Variants in MAPT observed in about 807,000 individuals in gnomAD.
The protein encoded by MAPT is microtubule associated protein tau.
In MAPT, 34 loss-of-function variants were observed where a neutral mutation model predicts 67.9. That is an observed-to-expected ratio of 0.50 (90% CI 0.38 to 0.67). MAPT has a LOEUF of 0.67. Ranked by LOEUF, MAPT falls within the 30% of genes least tolerant of loss-of-function variation. The pLI is 0.00. For synonymous variants in MAPT, 456 were observed against 464.5 expected, an observed-to-expected ratio of 0.98 and a Z score of 0.23; for missense variants, 881 against 1,115.2, an observed-to-expected ratio of 0.79 and a Z score of 2.99.
intron 1 of MAPT, among the ~76,000 whole-genome samples, chr17:45,925,223 A>G (rs2066165701): frequency 6.6e-6 from 1 of 152,160 alleles, no homozygotes; most frequent in South Asian, 2.1e-4. Flanking sequence ...GGCCAGGTAG[A>G]ATGGGCGGCC....
chr17:45,999,208 C>T lies in MAPT; in HGVS notation c.1998+2544C>T. 7 of 1,537,550 alleles carry T rather than the reference C, an allele frequency of 4.6e-6. No homozygotes were observed. In the South Asian group the frequency reaches 7.7e-5, roughly 17 times the overall value. Reference sequence around the variant, plus strand: ...CCTCCAGGAAGTCTTCCTGGATTCCCCTCTCTCTTCTTAAAGCCCCTGTAA... The same window carrying T: ...CCTCCAGGAAGTCTTCCTGGATTCCTCTCTCTCTTCTTAAAGCCCCTGTAA... On this transcript the variant is annotated intron_variant, in intron 9 of 12. Coordinates refer to ENST00000262410, the MANE Select transcript of MAPT (RefSeq NM_001377265.1).
chr17:45,980,506 T>TA (rs11356119), intron 4 of MAPT: 76,768 of 136,012 alleles, frequency 0.56, 21,558 homozygotes, highest in East Asian at 0.85. Flanking sequence ...AGACTCTGTT[T>TA]AAAAAAAAAA....
At chr17:45,909,235 TG>T (rs1469394267) in intron 1 of MAPT, among the ~76,000 whole-genome samples, 1 of 151,648 alleles carries the variant, frequency 6.6e-6, no homozygotes, top group Non-Finnish European at 1.5e-5. Context: ...TGCCCTGGGC[TG>T]CCCAATGGCA....
chr17:45,898,886 TG>T (rs2063443176), intron 1 of MAPT: 3 of 152,242 alleles, frequency 2.0e-5, no homozygotes, highest in Admixed American at 1.3e-4. Context: ...AAACTGCGTT[TG>T]ACTCTGCTCT....
At chr17:46,023,089 C>T (rs1209268993) in intron 12 of MAPT, among the ~76,000 whole-genome samples, 1 of 152,220 alleles carries the variant, frequency 6.6e-6, no homozygotes, top group African/African-American at 2.4e-5. Flanking sequence ...CATGTCTGGG[C>T]ATCAGTGGCT....
chr17:45,899,943 T>C (rs1376070959), intron 1 of MAPT, among the ~76,000 whole-genome samples: 2 of 152,102 alleles, frequency 1.3e-5, no homozygotes, highest in Middle Eastern at 3.2e-3. Context: ...AGGCTGGAAA[T>C]CAAGACTGGG....
chr17:46,022,520 T>A (rs1175284603), intron 12 of MAPT, among the ~76,000 whole-genome samples: 1 of 152,112 alleles, frequency 6.6e-6, no homozygotes, highest in South Asian at 2.1e-4. Context: ...TCACCCCGCA[T>A]CCATGGACTC....
chr17:46,017,781 G>C (rs2076281394), intron 11 of MAPT, among the ~76,000 whole-genome samples: 1 of 150,286 alleles, frequency 6.7e-6, no homozygotes, highest in South Asian at 2.1e-4. Context: ...TATTTAGTGT[G>C]CATTTTGACA....
rs1171029943 is a variant in MAPT, at chr17:45,971,687, G to C, written c.134-172G>C. ...TGTGGGGCACAGTCGTGTTGGCAGGGAGGGAGGTGGGGTTGGTCCCCTTTG... is the reference window on the plus strand; with the variant it reads ...TGTGGGGCACAGTCGTGTTGGCAGGCAGGGAGGTGGGGTTGGTCCCCTTTG... On this transcript the variant is annotated intron_variant, in intron 2 of 12. Coordinates refer to ENST00000262410, the MANE Select transcript of MAPT (RefSeq NM_001377265.1). The surrounding 1 kb of genome is among the most constrained non-coding windows in gnomAD (Gnocchi z 4.3). 6.6e-6 allele frequency among the ~76,000 whole-genome samples: 1 copy of C among 152,128 alleles called. No homozygotes were observed. Among genetic ancestry groups the C allele is most frequent in the African/African-American group, 2.4e-5 (1 of 41,450 alleles).
chr17:46,008,770 G>A (rs548581616), intron 9 of MAPT, among the ~76,000 whole-genome samples: 1 of 152,266 alleles, frequency 6.6e-6, no homozygotes, highest in African/African-American at 2.4e-5. Context: ...CCAGGGCAGT[G>A]GTTTCCACCC....
chr17:45,908,965 AG>A (rs1212469006), intron 1 of MAPT, among the ~76,000 whole-genome samples: 8 of 152,184 alleles, frequency 5.3e-5, no homozygotes, highest in African/African-American at 1.7e-4. Flanking sequence ...CTTCAAGAAA[AG>A]TTTTAGAAGC....
intron 1 of MAPT, among the ~76,000 whole-genome samples, chr17:45,949,435 C>G (rs1341369804): frequency 6.6e-6 from 1 of 152,232 alleles, no homozygotes; most frequent in Non-Finnish European, 1.5e-5. Flanking sequence ...CGTCAGCTCC[C>G]CTTTCCCAAA....
At position 45,983,881 on chromosome 17, in the gene MAPT, TG is replaced by T. The variant is rs1568280525; in HGVS notation, c.1303del (p.Ala435LeufsTer45). 6.3e-7 allele frequency: 1 copy of T among 1,595,244 alleles called. No homozygotes were observed. The highest frequency in any genetic ancestry group is 1.4e-5 in the African/African-American group (1 of 73,632). On this transcript the variant is annotated frameshift_variant, in exon 5 of 13. Coordinates refer to ENST00000262410, the MANE Select transcript of MAPT (RefSeq NM_001377265.1). LOFTEE classifies it high-confidence loss of function. ...TTCCAGAGCCCTCTGAAAAGCAGCC[TG>T]CTGCTGCTCCGCGGGGGAAGCCCGT... Reference protein sequence around the residue: ...DLPEPSEKQPAAAPRGKPVSR... With the variant: ...DLPEPSEKQPXAAPRGKPVSR...
rs1568230726 is a variant in MAPT, at chr17:45,956,577, TATATATATATATATATATATA to T, written c.-17-5743_-17-5723del. On this transcript the variant is annotated intron_variant, in intron 1 of 12. Coordinates refer to ENST00000262410, the MANE Select transcript of MAPT (RefSeq NM_001377265.1). ...ATATATATATATATATATATATATA[TATATATATATATATATATATA>T]TATTTTTTATTATTATACTTTAAGT... 6.8e-3 allele frequency among the ~76,000 whole-genome samples: 43 copies of T among 6,282 alleles called. 2 individuals are homozygous for T. The highest frequency in any genetic ancestry group is 7.5e-3 in the African/African-American group (39 of 5,184). 4.1% of individuals were successfully genotyped at this position (6,282 alleles called of 152,430 possible).
intron 1 of MAPT, among the ~76,000 whole-genome samples, chr17:45,903,921 A>ATAT (rs2063860653): frequency 4.9e-5 from 1 of 20,608 alleles, no homozygotes; most frequent in African/African-American, 2.3e-4. Flanking sequence ...TTATATATTT[A>ATAT]TATATATTAT....
intron 1 of MAPT, among the ~76,000 whole-genome samples, chr17:45,928,174 C>T (rs2066533973): frequency 6.6e-6 from 1 of 152,148 alleles, no homozygotes; most frequent in African/African-American, 2.4e-5. Context: ...AACAAGATCC[C>T]AAATTCTTGT....
Position 45,897,460 on chromosome 17 carries a change from G to A in MAPT, c.-18+2774G>A, listed in dbSNP as rs140005016. On this transcript the variant is annotated intron_variant, in intron 1 of 12. Coordinates refer to ENST00000262410, the MANE Select transcript of MAPT (RefSeq NM_001377265.1). The surrounding 1 kb of genome is among the most constrained non-coding windows in gnomAD (Gnocchi z 5.0). ...GGGCGCTGTTAATGGAGGAACCTCA[G>A]GGGGACGGTCCTTCGTAGGAAACTC... The A allele has an allele frequency of 6.6e-6, 1 of 152,264 alleles. No individual in the cohort carries two copies. The highest frequency in any genetic ancestry group is 1.5e-5 in the Non-Finnish European group (1 of 68,066). 9.4% of individuals were successfully genotyped at this position (152,264 alleles called of 1,614,324 possible). A position where few individuals can be genotyped will look rare whatever the true frequency, so the allele number is the denominator to read the frequency against.
rs368482207 is a variant in MAPT at position 45,983,823 on chromosome 17, C to T, written c.1244C>T (p.Pro415Leu). Residue 415 changes from proline (P) to leucine (L), a missense_variant, in exon 5 of 13, where the codon CCC becomes CTC. By Grantham distance (98) the Pro-to-Leu change is moderately conservative. Around this residue, in one of 6 missense-constraint regions of MAPT, gnomAD observed 687 missense variants for 766.1 expected, o/e 0.90. Coordinates refer to ENST00000262410, the MANE Select transcript of MAPT (RefSeq NM_001377265.1). ...APGEGPEARG[P>L]SLGEDTKEAD... ...GGAGAGGGGCCAGAGGCCCGGGGCC[C>T]CTCTTTGGGAGAGGACACAAAAGAG... 7 of 1,612,902 alleles carry T rather than the reference C, an allele frequency of 4.3e-6. No homozygotes were observed. Among genetic ancestry groups the T allele is most frequent in the Non-Finnish European group, 5.9e-6 (7 of 1,179,880 alleles).
intron 1 of MAPT, among the ~76,000 whole-genome samples, chr17:45,917,020 C>A (rs17649518): frequency 0.14 from 21,817 of 152,234 alleles, 2,135 homozygotes; most frequent in Middle Eastern, 0.22. Flanking sequence ...TATTTGAGAT[C>A]CCAAGAAATG....
Sources: gnomAD v4.1 joint callset for allele counts (sites outside exome capture counted in the v4.1 genomes callset) on GRCh38, gnomAD v4.1.1 for gene constraint, gnomAD v4.1.1 regional missense constraint, Gnocchi (gnomAD v3.1) non-coding constraint, MANE v1.5 for transcripts, NCBI Gene and HGNC (gene_info 2026-07-23, HGNC 2026-07-21) for gene names.